Variants in CEP112 observed in about 807,000 individuals in gnomAD.
CEP112 encodes centrosomal protein of 112 kDa.
A neutral mutation model predicts 153.0 loss-of-function variants in CEP112; 127 were observed. That is an observed-to-expected ratio of 0.83 (90% CI 0.72 to 0.96). The LOEUF (loss-of-function observed/expected upper bound fraction) is 0.96. Among genes scored for constraint, CEP112 ranks in the 40% least tolerant of loss-of-function variants. The pLI is 0.00. For synonymous variants in CEP112, 358 were observed against 374.4 expected, an observed-to-expected ratio of 0.96 and a Z score of 0.51; for missense variants, 1,089 against 1,101.2, an observed-to-expected ratio of 0.99 and a Z score of 0.16.
intron 21 of CEP112, among the ~76,000 whole-genome samples, chr17:65,836,823 TTCCCCC>T (rs917554319): frequency 1.5e-5 from 2 of 129,844 alleles, no homozygotes; most frequent in African/African-American, 5.7e-5. Context: ...CCCCATCCCC[TTCCCCC>T]TCCCCCTCCC....
chr17:65,810,960 C>G lies in CEP112; in HGVS notation c.2394+40844G>C, dbSNP rs9903546. Among the ~76,000 whole-genome samples the G allele has an allele frequency of 3.2e-3, 480 of 152,254 alleles. 3 individuals are homozygous for G. Among genetic ancestry groups the G allele is most frequent in the African/African-American group, 0.011 (456 of 41,556 alleles). On this transcript the variant is annotated intron_variant, in intron 21 of 26. Coordinates refer to ENST00000535342, the MANE Select transcript of CEP112 (RefSeq NM_001199165.4). ...TAAAGTGGTTCTCTTCTGTTTGCCT[C>G]CACTTTTCCAGTGAAATCGAGGTCA...
chr17:65,921,458 AG>A (rs2060725160), intron 19 of CEP112, among the ~76,000 whole-genome samples: 1 of 152,180 alleles, frequency 6.6e-6, no homozygotes, highest in South Asian at 2.1e-4. Context: ...TAACTAAAAA[AG>A]TTTGTATATT....
At chr17:65,754,945 G>A (rs748481844) in intron 21 of CEP112, among the ~76,000 whole-genome samples, 1 of 152,112 alleles carries the variant, frequency 6.6e-6, no homozygotes, top group Non-Finnish European at 1.5e-5. Flanking sequence ...TGCGGGGAGG[G>A]AGAGCATCAG....
At chr17:65,803,670 C>T (rs1288041560) in intron 21 of CEP112, among the ~76,000 whole-genome samples, 1 of 152,058 alleles carries the variant, frequency 6.6e-6, no homozygotes, top group Non-Finnish European at 1.5e-5. Context: ...TTCTTTACTC[C>T]CTCCCAATAG....
chr17:66,002,533 C>A (rs550952524), intron 17 of CEP112, among the ~76,000 whole-genome samples: 2 of 152,260 alleles, frequency 1.3e-5, no homozygotes, highest in South Asian at 2.1e-4. Flanking sequence ...ACCAGCATCT[C>A]TACAGAGACA....
intron 12 of CEP112, among the ~76,000 whole-genome samples, chr17:66,053,411 C>T (rs2066527918): frequency 1.3e-5 from 2 of 151,748 alleles, no homozygotes; most frequent in Non-Finnish European, 2.9e-5. Context: ...AGTTTGAACC[C>T]AGGAGGCGGA....
intron 8 of CEP112, among the ~76,000 whole-genome samples, chr17:66,075,348 A>T (rs1277684118): frequency 6.6e-6 from 1 of 152,202 alleles, no homozygotes; most frequent in Non-Finnish European, 1.5e-5. Context: ...TGTAAGCGGC[A>T]CAATATTGAC....
intron 4 of CEP112, among the ~76,000 whole-genome samples, chr17:66,134,066 T>A (rs1028993906): frequency 1.8e-4 from 28 of 152,138 alleles, no homozygotes; most frequent in African/African-American, 6.8e-4. Context: ...CATTTAAAAC[T>A]CTATGAGGAG....
intron 6 of CEP112, among the ~76,000 whole-genome samples, chr17:66,111,396 C>T (rs776455565): frequency 1.3e-4 from 20 of 152,130 alleles, no homozygotes; most frequent in Non-Finnish European, 1.9e-4. Flanking sequence ...ACAGTAGAGA[C>T]ACACGCGAAT....
At chr17:65,971,377 T>C (rs2062788179) in intron 17 of CEP112, among the ~76,000 whole-genome samples, 1 of 100,150 alleles carries the variant, frequency 1.0e-5, no homozygotes, top group Admixed American at 1.3e-4. Context: ...CGCATGTATG[T>C]ACATTGCATG....
intron 6 of CEP112, among the ~76,000 whole-genome samples, chr17:66,128,313 A>AAG (rs2069953854): frequency 6.6e-6 from 1 of 150,922 alleles, no homozygotes; most frequent in Non-Finnish European, 1.5e-5. Flanking sequence ...AAAAAAAAAA[A>AAG]AAAAAAAAAG....
chr17:65,660,462 CCTTCCTTCCTTCCTTCCTT>C (rs2046326442), intron 24 of CEP112, among the ~76,000 whole-genome samples: 2 of 2,872 alleles, frequency 7.0e-4, no homozygotes, highest in South Asian at 0.025. Flanking sequence ...TTCTCTCTCT[CCTTCCTTCCTTCCTTCCTT>C]CCTTCCTTCC....
intron 20 of CEP112, among the ~76,000 whole-genome samples, chr17:65,887,581 C>A (rs2059325319): frequency 1.3e-5 from 2 of 152,166 alleles, no homozygotes; most frequent in African/African-American, 4.8e-5. Context: ...TAACCTTCAG[C>A]CCAGTGCTAC....
chr17:65,948,928 C>T lies in CEP112; in HGVS notation c.1872+12535G>A, dbSNP rs188823901. Among the ~76,000 whole-genome samples, 181 of 152,234 alleles carry T rather than the reference C, an allele frequency of 1.2e-3. 3 individuals carry two copies. The Middle Eastern group carries it at 0.031, about 26-fold the overall frequency. On this transcript the variant is annotated intron_variant, in intron 18 of 26. Coordinates refer to ENST00000535342, the MANE Select transcript of CEP112 (RefSeq NM_001199165.4). ...CAGTTTCCAAATGGAAAAAGATGCCCTACAGCTCTGCTGGCTTTTAAACAA... is the reference window on the plus strand; with the variant it reads ...CAGTTTCCAAATGGAAAAAGATGCCTTACAGCTCTGCTGGCTTTTAAACAA...
At chr17:65,686,895 G>A (rs990301255) in intron 24 of CEP112, among the ~76,000 whole-genome samples, 4 of 151,272 alleles carry the variant, frequency 2.6e-5, no homozygotes, top group African/African-American at 9.7e-5. Flanking sequence ...TATGTAACTT[G>A]AAAATTGTCA....
chr17:66,008,942 T>C (rs114767215), intron 16 of CEP112, among the ~76,000 whole-genome samples: 147 of 152,310 alleles, frequency 9.7e-4, no homozygotes, highest in African/African-American at 3.2e-3. Flanking sequence ...GATAAATACA[T>C]AGCTTGATTC....
chr17:65,715,865 A>G (rs2049478892), intron 23 of CEP112, among the ~76,000 whole-genome samples: 1 of 152,178 alleles, frequency 6.6e-6, no homozygotes, highest in Non-Finnish European at 1.5e-5. Context: ...TGTGATGAAC[A>G]TTATCCTTAC....
intron 24 of CEP112, among the ~76,000 whole-genome samples, chr17:65,664,186 C>T (rs761559813): frequency 6.6e-6 from 1 of 152,164 alleles, no homozygotes; most frequent in Non-Finnish European, 1.5e-5. Flanking sequence ...GAGTTTTGAG[C>T]TGTGCTCCCA....
At position 66,022,174 on chromosome 17, in the gene CEP112, A is replaced by T. The variant is rs149599552; in HGVS notation, c.1656+5327T>A. On this transcript the variant is annotated intron_variant, in intron 16 of 26. Transcript: ENST00000535342. ...CTATTTATAACCAAGGAAATCATACAAAGCCTTAACATTCAACATACCCAG... is the reference window on the plus strand; with the variant it reads ...CTATTTATAACCAAGGAAATCATACTAAGCCTTAACATTCAACATACCCAG... Among the ~76,000 whole-genome samples the T allele has an allele frequency of 7.6e-3, 1,152 of 152,292 alleles. 9 individuals are homozygous for T. Among genetic ancestry groups the T allele is most frequent in the Non-Finnish European group, 0.013 (869 of 68,016 alleles).
Sources: gnomAD v4.1 joint callset for allele counts (sites outside exome capture counted in the v4.1 genomes callset) on GRCh38, gnomAD v4.1.1 for gene constraint, MANE v1.5 for transcripts, NCBI Gene and HGNC (gene_info 2026-07-23, HGNC 2026-07-21) for gene names.